The following SLC37A3 variants were observed in gnomAD, a reference collection of about 807,000 sequenced individuals.
SLC37A3 encodes the protein solute carrier family 37 member 3, also known as sugar phosphate exchanger 3.
Under a neutral mutation model 67.1 loss-of-function variants are expected in SLC37A3, and 51 were observed. The ratio of observed to expected loss-of-function variants is 0.76; its 90% CI spans 0.61 to 0.96. The LOEUF is 0.96. Ranked by LOEUF, SLC37A3 falls within the 40% of genes least tolerant of loss-of-function variation. The pLI is 0.00. For missense variants in SLC37A3, 508 were observed against 603.0 expected (o/e 0.84, Z 1.65); for synonymous variants, 214 against 231.4 (o/e 0.92, Z 0.68).
rs961899980 is a variant in SLC37A3 at position 140,334,705 on chromosome 7, A to G, written c.*707T>C. Reference sequence around the variant, plus strand: ...TTATGGTCCTTGAAAGGAAGACTCAATACTTCCAGGAGTCAAAGTTAATTT... The same window carrying G: ...TTATGGTCCTTGAAAGGAAGACTCAGTACTTCCAGGAGTCAAAGTTAATTT... On this transcript the variant is annotated 3_prime_UTR_variant, in exon 15 of 15. Transcript: ENST00000326232. 7 of 158,594 alleles carry G rather than the reference A, an allele frequency of 4.4e-5. No individual in the cohort carries two copies. Among genetic ancestry groups the G allele is most frequent in the Non-Finnish European group, 7.0e-5 (5 of 71,364 alleles). The allele number at this position is 158,594 out of a possible 1,614,324, so 9.8% of individuals were successfully genotyped here. A position where few individuals can be genotyped will look rare whatever the true frequency, so the allele number is the denominator to read the frequency against.
At position 140,397,796 on chromosome 7, in the gene SLC37A3, T is replaced by G. The variant is rs572061286; in HGVS notation, c.-71+620A>C. On this transcript the variant is annotated intron_variant, in intron 1 of 14. Transcript: ENST00000326232. ...AGTTACCACGAGATAGCCTACCATC[T>G]TACATTTCAAAAAAACACTAAAAAC... Among the ~76,000 whole-genome samples, 29 of 152,208 alleles carry G rather than the reference T, an allele frequency of 1.9e-4. No individual in the cohort carries two copies. In the South Asian group the frequency reaches 6.0e-3, roughly 32 times the overall value.
rs1340358184 is a variant in SLC37A3 at position 140,333,942 on chromosome 7, C to A, written c.*1470G>T. 1 of 152,482 alleles carries A rather than the reference C, an allele frequency of 6.6e-6. No individual in the cohort carries two copies. Among genetic ancestry groups the A allele is most frequent in the Non-Finnish European group, 1.5e-5 (1 of 68,008 alleles). 9.4% of individuals were successfully genotyped at this position (152,482 alleles called of 1,614,324 possible). The stretch of plus-strand genomic sequence containing the variant: ...CCTAACCGAATGCAAATTAGGTATC[C>A]CTCAAAATTGCACATTCTCCTCCTA... On this transcript the variant is annotated 3_prime_UTR_variant, in exon 15 of 15. Transcript: ENST00000326232.
chr7:140,365,129 C>T (rs866513928), intron 4 of SLC37A3, among the ~76,000 whole-genome samples: 52 of 152,178 alleles, frequency 3.4e-4, no homozygotes, highest in African/African-American at 1.1e-3. Context: ...CAGGTTCTGC[C>T]TTCTGCTCTC....
intron 12 of SLC37A3, 188 bp from the exon 13 acceptor site, chr7:140,343,751 C>T (rs533071460): frequency 2.1e-5 from 12 of 579,368 alleles, no homozygotes; most frequent in Non-Finnish European, 3.3e-5. Flanking sequence ...AATCCCTTCT[C>T]GAATTATGTG....
chr7:140,371,480 C>T (rs575748108), intron 3 of SLC37A3, among the ~76,000 whole-genome samples: 1 of 152,218 alleles, frequency 6.6e-6, no homozygotes, highest in Admixed American at 6.5e-5. Context: ...CCGAGAGCTA[C>T]GTTCTTTCTA....
At chr7:140,371,315 AG>A (rs1451369299) in intron 3 of SLC37A3, among the ~76,000 whole-genome samples, 1 of 152,188 alleles carries the variant, frequency 6.6e-6, no homozygotes, top group African/African-American at 2.4e-5. Flanking sequence ...CTGGGATTAC[AG>A]GCACGTGCCA....
intron 10 of SLC37A3, among the ~76,000 whole-genome samples, chr7:140,348,248 G>A (rs1222443442): frequency 6.6e-6 from 1 of 152,042 alleles, no homozygotes; most frequent in Non-Finnish European, 1.5e-5. Flanking sequence ...ATTCTAACTT[G>A]GATCTCTGAC....
intron 1 of SLC37A3, among the ~76,000 whole-genome samples, chr7:140,385,907 C>T (rs766059159): frequency 1.3e-5 from 2 of 152,238 alleles, no homozygotes; most frequent in African/African-American, 4.8e-5. Flanking sequence ...CTCAGCCTCT[C>T]GAGTAGCTGG....
intron 1 of SLC37A3, among the ~76,000 whole-genome samples, chr7:140,384,098 C>T (rs1423026107): frequency 2.0e-5 from 3 of 152,058 alleles, no homozygotes; most frequent in Non-Finnish European, 4.4e-5. Context: ...TCTGCAGAAC[C>T]AATCCAAATA....
Position 140,355,745 on chromosome 7 carries a change from G to A in SLC37A3, c.541C>T (p.Leu181Phe). Residue 181 changes from leucine to phenylalanine, a missense_variant, in exon 7 of 15, where the codon CTC becomes TTC. Transcript: ENST00000326232. ...GKAGRGVVFG[L>F]WSACASVGNI... ...CCCACCGAAGCACAGGCACTCCAGA[G>A]ACCAAAAACAACTCCTCGTCTAAGA... The A allele has an allele frequency of 1.9e-6, 3 of 1,613,244 alleles. No individual in the cohort carries two copies. The highest frequency in any genetic ancestry group is 2.2e-5 in the South Asian group (2 of 91,052).
intron 7 of SLC37A3, 55 bp from the exon 8 acceptor site, chr7:140,352,201 G>A (rs1796840033): frequency 1.0e-6 from 1 of 956,746 alleles, no homozygotes; most frequent in Admixed American, 2.4e-5. Flanking sequence ...GTCATCACAA[G>A]CACATTCATT....
chr7:140,387,905 A>G (rs1211901445), intron 1 of SLC37A3, among the ~76,000 whole-genome samples: 1 of 128,920 alleles, frequency 7.8e-6, no homozygotes. Context: ...AGAGACTGAG[A>G]TGGGAGGATC....
chr7:140,355,878 G>A (rs1052072022), intron 6 of SLC37A3, 114 bp from the exon 7 acceptor site: 2 of 839,474 alleles, frequency 2.4e-6, no homozygotes, highest in Admixed American at 2.5e-5. Context: ...GACTAAACAT[G>A]CTATTTAAAA....
intron 7 of SLC37A3, among the ~76,000 whole-genome samples, chr7:140,352,477 T>C (rs1796855307): frequency 6.6e-6 from 1 of 152,178 alleles, no homozygotes; most frequent in South Asian, 2.1e-4. Context: ...TAAAAGACAG[T>C]ATCTGCCCTC....
chr7:140,386,543 G>C (rs1160833652), intron 1 of SLC37A3, among the ~76,000 whole-genome samples: 1 of 151,726 alleles, frequency 6.6e-6, no homozygotes. Flanking sequence ...AGGGACCCTG[G>C]GGTGTACAGG....
At chr7:140,372,903 G>A (rs966329355) in intron 3 of SLC37A3, among the ~76,000 whole-genome samples, 1 of 151,528 alleles carries the variant, frequency 6.6e-6, no homozygotes, top group Non-Finnish European at 1.5e-5. Flanking sequence ...TGTCCTTCAT[G>A]AAGCAGTAAA....
At chr7:140,345,291 G>A (rs1174839035) in intron 11 of SLC37A3, 28 bp from the exon 12 acceptor site, 1 of 1,608,836 alleles carries the variant, frequency 6.2e-7, no homozygotes, top group Non-Finnish European at 8.5e-7. Context: ...GACAAACCAT[G>A]GTGGCTTGAA....
intron 4 of SLC37A3, among the ~76,000 whole-genome samples, chr7:140,367,271 T>C (rs1454715174): frequency 1.3e-5 from 2 of 152,024 alleles, no homozygotes; most frequent in African/African-American, 4.8e-5. Flanking sequence ...ACCCCATCTC[T>C]ACTAAAAATA....
At chr7:140,380,134 A>T in intron 3 of SLC37A3, 148 bp downstream of exon 3, 7 of 462,720 alleles carry the variant, frequency 1.5e-5, no homozygotes, top group Non-Finnish European at 2.7e-5. Flanking sequence ...AGGCTTTGAA[A>T]TTAGAATAGT....
Sources: gnomAD v4.1 joint callset for allele counts (sites outside exome capture counted in the v4.1 genomes callset) on GRCh38, gnomAD v4.1.1 for gene constraint, MANE v1.5 for transcripts, NCBI Gene and HGNC (gene_info 2026-07-23, HGNC 2026-07-21) for gene names.